NLGN2: variants seen among roughly 807,000 people sequenced by gnomAD.
NLGN2 encodes neuroligin-2.
NLGN2 carries 11 observed loss-of-function variants against 48.6 expected under a neutral mutation model. The observed-to-expected ratio is 0.23, with a 90% CI of 0.14 to 0.37. The LOEUF is 0.37. Among genes scored for constraint, NLGN2 ranks in the 10% least tolerant of loss-of-function variants. The pLI, the probability that NLGN2 is intolerant of heterozygous loss-of-function variation, is 1.00. For synonymous variants in NLGN2, 548 were observed against 550.0 expected, an observed-to-expected ratio of 1.00 and a Z score of 0.05; for missense variants, 801 against 1,225.2, an observed-to-expected ratio of 0.65 and a Z score of 5.17.
At position 7,417,116 on chromosome 17, in the gene NLGN2, C is replaced by T. The variant is rs1314402219; in HGVS notation, c.1825C>T (p.His609Tyr). Residue 609 changes from histidine (H) to tyrosine (Y), a missense_variant, in exon 7 of 7, where the codon CAC (histidine) becomes TAC (tyrosine). Around this residue, in one of 5 missense-constraint regions of NLGN2, gnomAD observed 303 missense variants for 600.1 expected, o/e 0.50. Coordinates refer to ENST00000302926, the MANE Select transcript of NLGN2 (RefSeq NM_020795.4). ...AFWLELVPHLHNLHTELFTTT... is the reference protein window; with the variant it reads ...AFWLELVPHLYNLHTELFTTT... Reference sequence around the variant, plus strand: ...CTGGCTGGAGCTCGTGCCCCACCTGCACAACCTGCACACGGAGCTCTTCAC... The same window carrying T: ...CTGGCTGGAGCTCGTGCCCCACCTGTACAACCTGCACACGGAGCTCTTCAC... 1 of 1,612,284 alleles carries T rather than the reference C, an allele frequency of 6.2e-7. No homozygotes were observed. The highest frequency in any genetic ancestry group is 8.5e-7 in the Non-Finnish European group (1 of 1,179,926).
rs1054366371 is a variant in NLGN2 at position 7,411,626 on chromosome 17, T to G, written c.458-531T>G. 6.6e-6 allele frequency among the ~76,000 whole-genome samples: 1 copy of G among 151,774 alleles called. No individual in the cohort carries two copies. The highest frequency in any genetic ancestry group is 2.4e-5 in the African/African-American group (1 of 41,276). ...CAGAGTGGTCCAGAGGGAAGCAGAGTCTTTTCTGCGGCAGTCTCTCCTCCC... is the reference window on the plus strand; with the variant it reads ...CAGAGTGGTCCAGAGGGAAGCAGAGGCTTTTCTGCGGCAGTCTCTCCTCCC... On this transcript the variant is annotated intron_variant, in intron 1 of 6. Transcript: ENST00000302926. This position sits in a 1 kb window ranked among gnomAD's most constrained non-coding sequence, Gnocchi z 4.5.
At chr17:7,412,929 G>C (rs1241321282) in intron 2 of NLGN2, among the ~76,000 whole-genome samples, 1 of 148,540 alleles carries the variant, frequency 6.7e-6, no homozygotes, top group Non-Finnish European at 1.5e-5. Flanking sequence ...TCTTGATCCT[G>C]TTTTTGTTGT....
intron 6 of NLGN2, among the ~76,000 whole-genome samples, chr17:7,416,524 T>G (rs1907108902): frequency 6.6e-6 from 1 of 152,208 alleles, no homozygotes; most frequent in Non-Finnish European, 1.5e-5. Flanking sequence ...CTCTTTTGTC[T>G]GCTTACTTTT....
chr17:7,412,318 A>G, intron 2 of NLGN2, 111 bp downstream of exon 2: 1 of 764,114 alleles, frequency 1.3e-6, no homozygotes, highest in Non-Finnish European at 2.3e-6. Context: ...TCGTTCTCCC[A>G]ACTAAAATGA....
chr17:7,410,179 TC>T (rs140679267), intron 1 of NLGN2, among the ~76,000 whole-genome samples: 9,152 of 127,310 alleles, frequency 0.072, 394 homozygotes, highest in Middle Eastern at 0.17. Flanking sequence ...GCACTCAGAA[TC>T]CCCCCCTGCC....
In NLGN2 at chr17:7,417,755, C is replaced by T; in HGVS notation, c.2464C>T (p.His822Tyr). 4 of 1,323,512 alleles carry T rather than the reference C, an allele frequency of 3.0e-6. No homozygotes were observed. The highest frequency in any genetic ancestry group is 2.9e-6 in the Non-Finnish European group (3 of 1,016,970). The allele number at this position is 1,323,512 out of a possible 1,614,324, so 82.0% of individuals were successfully genotyped here. A position where few individuals can be genotyped will look rare whatever the true frequency, so the allele number is the denominator to read the frequency against. Residue 822 changes from histidine (H) to tyrosine (Y), a missense_variant, in exon 7 of 7, where the codon CAC becomes TAC. This residue lies in a region of NLGN2 where 276 missense variants were observed against 313.9 expected (regional missense o/e 0.88). Transcript: ENST00000302926. ...CCCGCCCCCTCCCACCGCCACCAGC[C>T]ACAACAACACGCTACCCCACCCCCA... ...FPPPPPTATS[H>Y]NNTLPHPHST...
rs1162254805 is a variant in NLGN2 at position 7,417,269 on chromosome 17, A to G, written c.1978A>G (p.Arg660Gly). ...CGAGCCCGAGCCCGAGCCCGGCCCAAGGGCCTATGACCGCTTCCCCGGGGA... is the reference window on the plus strand; with the variant it reads ...CGAGCCCGAGCCCGAGCCCGGCCCAGGGGCCTATGACCGCTTCCCCGGGGA... ...PPEPEPEPGP[R>G]AYDRFPGDSR... The change falls in exon 7 of 7, where the codon AGG (arginine) becomes GGG (glycine). Residue 660 changes from arginine to glycine, a missense_variant. By Grantham distance (125) the Arg-to-Gly change is moderately radical. This residue lies in a region of NLGN2 where 276 missense variants were observed against 313.9 expected (regional missense o/e 0.88). Coordinates refer to ENST00000302926, the MANE Select transcript of NLGN2 (RefSeq NM_020795.4). 6.3e-7 allele frequency: 1 copy of G among 1,579,102 alleles called. No homozygotes were observed. Among genetic ancestry groups the G allele is most frequent in the Admixed American group, 1.8e-5 (1 of 55,972 alleles).
upstream of NLGN2, chr17:7,405,689 G>A (rs975659372): frequency 1.3e-5 from 2 of 154,490 alleles, no homozygotes; most frequent in Non-Finnish European, 2.9e-5. This position sits in a 1 kb window ranked among gnomAD's most constrained non-coding sequence, Gnocchi z 6.8. Context: ...CCCTCCCTGC[G>A]CCTGGTTTCC....
rs1328809664 is a variant in NLGN2 at position 7,413,718 on chromosome 17, C to G, written c.509-626C>G. Among the ~76,000 whole-genome samples, 1 of 152,134 alleles carries G rather than the reference C, an allele frequency of 6.6e-6. No individual in the cohort carries two copies. Among genetic ancestry groups the G allele is most frequent in the Non-Finnish European group, 1.5e-5 (1 of 68,008 alleles). On this transcript the variant is annotated intron_variant, in intron 2 of 6. Coordinates refer to ENST00000302926, the MANE Select transcript of NLGN2 (RefSeq NM_020795.4). This position sits in a 1 kb window ranked among gnomAD's most constrained non-coding sequence, Gnocchi z 4.9. ...CTGCACCCTGGCTTCATTAAGCAGG[C>G]TCTTCCTCCTCCTGCCACAGTAATT...
At position 7,417,205 on chromosome 17, in the gene NLGN2, G is replaced by C. The variant is rs758458536; in HGVS notation, c.1914G>C (p.Pro638=). 8 of 1,559,422 alleles carry C rather than the reference G, an allele frequency of 5.1e-6. No homozygotes were observed. The African/African-American group carries it at 9.5e-5, about 19-fold the overall frequency. ...RWPPRPPAGA[P]GTRRPPPPAT... ...CGCCTCGTCCCCCCGCTGGCGCCCC[G>C]GGCACACGCCGGCCCCCGCCGCCTG... is the stretch of plus-strand genomic sequence containing the variant. The change falls in exon 7 of 7, where the codon CCG becomes CCC. Residue 638 remains proline, a synonymous_variant. Coordinates refer to ENST00000302926, the MANE Select transcript of NLGN2 (RefSeq NM_020795.4).
chr17:7,410,340 G>A (rs1469305053), intron 1 of NLGN2, among the ~76,000 whole-genome samples: 4 of 151,620 alleles, frequency 2.6e-5, no homozygotes, highest in Admixed American at 2.0e-4. Flanking sequence ...TGCACAGAGC[G>A]TCATCTACTC....
In NLGN2 at chr17:7,408,669, C is replaced by T. The variant is rs772628786; in HGVS notation, c.414C>T (p.Ser138=). ...EAAATYVQNQ[S]EDCLYLNLYV... Reference sequence around the variant, plus strand: ...CCGCCACCTACGTGCAGAACCAGAGCGAGGACTGCCTGTACCTCAACCTCT... The same window carrying T: ...CCGCCACCTACGTGCAGAACCAGAGTGAGGACTGCCTGTACCTCAACCTCT... The change falls in exon 1 of 7, where the codon AGC becomes AGT. Residue 138 remains serine, a synonymous_variant. Coordinates refer to ENST00000302926, the MANE Select transcript of NLGN2 (RefSeq NM_020795.4). This position sits in a 1 kb window ranked among gnomAD's most constrained non-coding sequence, Gnocchi z 7.5. 5.0e-6 allele frequency: 8 copies of T among 1,613,022 alleles called. No individual in the cohort carries two copies. Among genetic ancestry groups the T allele is most frequent in the South Asian group, 2.2e-5 (2 of 91,074 alleles).
At chr17:7,410,658 C>T (rs1189568440) in intron 1 of NLGN2, among the ~76,000 whole-genome samples, 1 of 152,184 alleles carries the variant, frequency 6.6e-6, no homozygotes, top group Non-Finnish European at 1.5e-5. Flanking sequence ...CACCCCAACA[C>T]CTCCACACAG....
Position 7,408,446 on chromosome 17 carries a change from GC to G in NLGN2, c.195del (p.Val66SerfsTer114). The part of the protein sequence containing the change: ...VRRELNNEIL[G>X]PVVQFLGVPY... Reference sequence around the variant, plus strand: ...CGCGAGCTCAACAACGAGATCCTGGGCCCCGTCGTGCAGTTCTTGGGCGTGC... The same window carrying G: ...CGCGAGCTCAACAACGAGATCCTGGGCCCGTCGTGCAGTTCTTGGGCGTGC... On this transcript the variant is annotated frameshift_variant, in exon 1 of 7. Transcript: ENST00000302926. LOFTEE classifies it high-confidence loss of function. This position sits in a 1 kb window ranked among gnomAD's most constrained non-coding sequence, Gnocchi z 7.5. 1 of 1,566,198 alleles carries G rather than the reference GC, an allele frequency of 6.4e-7. No individual in the cohort carries two copies. Among genetic ancestry groups the G allele is most frequent in the Non-Finnish European group, 8.6e-7 (1 of 1,160,574 alleles).
chr17:7,417,823 CCCCGGCCCTCCCTGG>C lies in NLGN2; in HGVS notation c.*32_*46del. 1.5e-6 allele frequency: 2 copies of C among 1,347,460 alleles called. No individual in the cohort carries two copies. The highest frequency in any genetic ancestry group is 1.9e-6 in the Non-Finnish European group (2 of 1,057,908). 83.5% of individuals were successfully genotyped at this position (1,347,460 alleles called of 1,614,324 possible). On this transcript the variant is annotated 3_prime_UTR_variant, in exon 7 of 7. Coordinates refer to ENST00000302926, the MANE Select transcript of NLGN2 (RefSeq NM_020795.4). ...AGGGGGTGGGTGGGGAGGCCCTCCT[CCCCGGCCCTCCCTGG>C]CCCGGCCACTCCGAAGGCAGGGAGG...
In NLGN2 at chr17:7,411,753, T is replaced by C. The variant is rs1380549838; in HGVS notation, c.458-404T>C. On this transcript the variant is annotated intron_variant, in intron 1 of 6. Coordinates refer to ENST00000302926, the MANE Select transcript of NLGN2 (RefSeq NM_020795.4). The surrounding 1 kb of genome is among the most constrained non-coding windows in gnomAD (Gnocchi z 4.5). ...AAGCTGGCCTTGGTCTCCCAGGGGC[T>C]CTGGGTGGGCTTCCCCTCCCCTCCC... Among the ~76,000 whole-genome samples, 6 of 152,154 alleles carry C rather than the reference T, an allele frequency of 3.9e-5. No homozygotes were observed. The highest frequency in any genetic ancestry group is 8.8e-5 in the Non-Finnish European group (6 of 68,018).
intron 1 of NLGN2, 82 bp from the exon 2 acceptor site, chr17:7,412,075 T>G: frequency 1.7e-5 from 4 of 233,596 alleles, no homozygotes; most frequent in East Asian, 1.3e-4. Flanking sequence ...TCTCCTCCCC[T>G]CCCCATCCAC....
At position 7,417,173 on chromosome 17, in the gene NLGN2, C is replaced by T. The variant is rs1208037525; in HGVS notation, c.1882C>T (p.Arg628Cys). The stretch of plus-strand genomic sequence containing the variant: ...CACGCGCCTGCCTCCCTACGCCACG[C>T]GCTGGCCGCCTCGTCCCCCCGCTGG... ...TTTRLPPYAT[R>C]WPPRPPAGAP... The change falls in exon 7 of 7, where the codon CGC (arginine) becomes TGC (cysteine). Residue 628 changes from arginine (R) to cysteine (C), a missense_variant. Physicochemically the swap from Arg to Cys is radical, Grantham distance 180. Around this residue, in one of 5 missense-constraint regions of NLGN2, gnomAD observed 303 missense variants for 600.1 expected, o/e 0.50. Transcript: ENST00000302926. 8.8e-6 allele frequency: 14 copies of T among 1,587,704 alleles called. No individual in the cohort carries two copies. The highest frequency in any genetic ancestry group is 1.2e-5 in the Non-Finnish European group (14 of 1,170,496).
chr17:7,412,602 C>T (rs555184001), intron 2 of NLGN2, among the ~76,000 whole-genome samples: 3 of 151,608 alleles, frequency 2.0e-5, no homozygotes, highest in East Asian at 3.9e-4. Context: ...AACAAAACAA[C>T]AGTTCAAAAA....
Sources: allele counts gnomAD v4.1 joint callset (sites outside exome capture counted in the v4.1 genomes callset), GRCh38; gene constraint gnomAD v4.1.1; regional missense constraint gnomAD v4.1.1; non-coding constraint Gnocchi (gnomAD v3.1); transcripts MANE v1.5; gene names NCBI Gene and HGNC (gene_info 2026-07-23, HGNC 2026-07-21).